Variants in IMPG1 observed in about 807,000 individuals in gnomAD.
IMPG1 encodes interphotoreceptor matrix proteoglycan 1.
Under a neutral mutation model 92.0 loss-of-function variants are expected in IMPG1, and 85 were observed. The observed-to-expected ratio is 0.92, with a 90% CI of 0.78 to 1.11. The LOEUF is 1.11. Ranked by LOEUF, IMPG1 falls within the 50% of genes least tolerant of loss-of-function variation. IMPG1 has a pLI of 0.00. For missense variants in IMPG1, 1,022 were observed against 956.0 expected, an observed-to-expected ratio of 1.07 and a Z score of -0.91; for synonymous variants, 367 against 334.1, an observed-to-expected ratio of 1.10 and a Z score of -1.08.
chr6:76,069,656 A>G (rs1784373815), intron 1 of IMPG1, among the ~76,000 whole-genome samples: 1 of 152,128 alleles, frequency 6.6e-6, no homozygotes, highest in Admixed American at 6.6e-5. Flanking sequence ...TCATTCTACC[A>G]AAAAGACACA....
At chr6:76,015,530 G>A (rs1783269154) in intron 7 of IMPG1, among the ~76,000 whole-genome samples, 1 of 151,700 alleles carries the variant, frequency 6.6e-6, no homozygotes, top group Admixed American at 6.6e-5. Flanking sequence ...GCTGGGTGCG[G>A]TAGCTCACGC....
At chr6:75,942,044 T>G (rs1021923246) in intron 14 of IMPG1, among the ~76,000 whole-genome samples, 7 of 152,142 alleles carry the variant, frequency 4.6e-5, no homozygotes, top group African/African-American at 1.7e-4. Context: ...CTATGTCTAC[T>G]ACGAAGGTGG....
At chr6:76,006,123 C>T (rs1226832164) in intron 9 of IMPG1, among the ~76,000 whole-genome samples, 2 of 152,004 alleles carry the variant, frequency 1.3e-5, no homozygotes, top group Non-Finnish European at 2.9e-5. Context: ...GCCACTGTGC[C>T]CACCTAGGTC....
chr6:76,029,582 C>T (rs1194373804), intron 4 of IMPG1, among the ~76,000 whole-genome samples: 2 of 152,116 alleles, frequency 1.3e-5, no homozygotes, highest in African/African-American at 4.8e-5. Context: ...GTGAACCAAC[C>T]AGCAATCTCT....
intron 12 of IMPG1, among the ~76,000 whole-genome samples, chr6:75,999,975 A>C (rs1338351463): frequency 6.6e-6 from 1 of 152,230 alleles, no homozygotes; most frequent in Non-Finnish European, 1.5e-5. Flanking sequence ...GCCTTAAAGG[A>C]AACACTTGAC....
At chr6:76,003,788 T>A (rs1160248156) in intron 11 of IMPG1, 86 bp downstream of exon 11, 4 of 996,418 alleles carry the variant, frequency 4.0e-6, no homozygotes, top group Non-Finnish European at 4.6e-6. Flanking sequence ...GATTTTGCTC[T>A]GTTCATTTCT....
chr6:76,018,575 A>G (rs1247721887), intron 7 of IMPG1, 143 bp downstream of exon 7: 3 of 661,350 alleles, frequency 4.5e-6, no homozygotes, highest in Non-Finnish European at 7.4e-6. Context: ...GTTAGGGCCC[A>G]TTGTAATTTT....
intron 14 of IMPG1, among the ~76,000 whole-genome samples, chr6:75,939,247 G>A (rs189902714): frequency 0.011 from 1,677 of 151,906 alleles, 16 homozygotes; most frequent in South Asian, 0.02. Context: ...TGTGCACAAC[G>A]TGCAGGTTTG....
Position 75,991,396 on chromosome 6 carries a change from TAA to T in IMPG1, c.1291+11520_1291+11521del, listed in dbSNP as rs112523017. Among the ~76,000 whole-genome samples, 916 of 127,522 alleles carry T rather than the reference TAA, an allele frequency of 7.2e-3. 36 individuals are homozygous for T. In the East Asian group the frequency reaches 0.11, roughly 16 times the overall value. 83.7% of individuals were successfully genotyped at this position (127,522 alleles called of 152,430 possible). A position where few individuals can be genotyped will look rare whatever the true frequency, so the allele number is the denominator to read the frequency against. On this transcript the variant is annotated intron_variant, in intron 12 of 16. Coordinates refer to ENST00000369950, the MANE Select transcript of IMPG1 (RefSeq NM_001563.4). ...ACAGAGCAAGACTCTGCCTTGGAAA[TAA>T]AAAAAAAAAAAGGCAAAAGAGGCAG...
At chr6:76,018,906 AT>A in intron 6 of IMPG1, 48 bp from the exon 7 acceptor site, 1 of 1,499,306 alleles carries the variant, frequency 6.7e-7, no homozygotes, top group Non-Finnish European at 9.0e-7. Context: ...TAAACCACAA[AT>A]AAATGGTTAT....
At chr6:75,940,080 C>A (rs1781812276) in intron 14 of IMPG1, among the ~76,000 whole-genome samples, 1 of 152,228 alleles carries the variant, frequency 6.6e-6, no homozygotes, top group African/African-American at 2.4e-5. Context: ...TGTCTCTCAC[C>A]TCACTGACTG....
chr6:75,921,492 A>G lies in IMPG1; in HGVS notation c.*597T>C, dbSNP rs1417545156. ...TCTTTTAAAGAACAATTCAAAGATT[A>G]TTGGCAACAAAACAGTCTACTATGT... On this transcript the variant is annotated 3_prime_UTR_variant, in exon 17 of 17. Coordinates refer to ENST00000369950, the MANE Select transcript of IMPG1 (RefSeq NM_001563.4). 1 of 152,662 alleles carries G rather than the reference A, an allele frequency of 6.6e-6. No homozygotes were observed. The highest frequency in any genetic ancestry group is 1.5e-5 in the Non-Finnish European group (1 of 68,052). The allele number at this position is 152,662 out of a possible 1,614,324, so 9.5% of individuals were successfully genotyped here.
chr6:76,032,034 GTCT>G (rs1263558920), intron 4 of IMPG1, among the ~76,000 whole-genome samples: 1 of 152,148 alleles, frequency 6.6e-6, no homozygotes, highest in Non-Finnish European at 1.5e-5. Flanking sequence ...ATTTTGTTTT[GTCT>G]TCTTGGAAAG....
chr6:75,972,232 G>T (rs1782433547), intron 12 of IMPG1, among the ~76,000 whole-genome samples: 2 of 152,106 alleles, frequency 1.3e-5, no homozygotes. Context: ...ACCCATTACT[G>T]TAGGAACCAA....
intron 2 of IMPG1, among the ~76,000 whole-genome samples, chr6:76,035,479 ACAAGAG>A (rs1783726819): frequency 6.8e-6 from 1 of 146,524 alleles, no homozygotes; most frequent in African/African-American, 2.5e-5. Context: ...AGCCTGGGCA[ACAAGAG>A]CAAAACTCCG....
intron 7 of IMPG1, among the ~76,000 whole-genome samples, chr6:76,012,960 CCG>C (rs1783215373): frequency 6.6e-6 from 1 of 152,056 alleles, no homozygotes; most frequent in Non-Finnish European, 1.5e-5. Flanking sequence ...CATGCAGCCA[CCG>C]ACTCTGGTTG....
chr6:75,952,318 T>C (rs1400352526), intron 12 of IMPG1, among the ~76,000 whole-genome samples: 1 of 152,212 alleles, frequency 6.6e-6, no homozygotes, highest in Non-Finnish European at 1.5e-5. Context: ...AAATGGACTG[T>C]CTGGATGCAG....
chr6:76,036,987 G>T (rs1783751852), intron 2 of IMPG1, among the ~76,000 whole-genome samples: 1 of 152,196 alleles, frequency 6.6e-6, no homozygotes, highest in African/African-American at 2.4e-5. Context: ...AGCAAAAAAT[G>T]TTGGAAGCCT....
chr6:75,990,413 T>C (rs1360127791), intron 12 of IMPG1, among the ~76,000 whole-genome samples: 1 of 152,146 alleles, frequency 6.6e-6, no homozygotes, highest in Non-Finnish European at 1.5e-5. Flanking sequence ...ATAGTCAAAA[T>C]GTTAAATTCC....
Sources: allele counts gnomAD v4.1 joint callset (sites outside exome capture counted in the v4.1 genomes callset), GRCh38; gene constraint gnomAD v4.1.1; transcripts MANE v1.5; gene names NCBI Gene and HGNC (gene_info 2026-07-23, HGNC 2026-07-21).